LUZP2: variants seen among roughly 807,000 people sequenced by gnomAD.
LUZP2 encodes the protein leucine zipper protein 2.
A neutral mutation model predicts 51.6 loss-of-function variants in LUZP2; 52 were observed. The ratio of observed to expected loss-of-function variants is 1.01; its 90% CI spans 0.81 to 1.27. LUZP2 has a LOEUF of 1.27. Among genes scored for constraint, LUZP2 ranks in the 50% most tolerant of loss-of-function variants. The probability of loss-of-function intolerance (pLI) is 0.00; values close to 1 mark genes in which losing one functional copy is unlikely to be tolerated. For synonymous variants in LUZP2, 154 were observed against 137.3 expected (o/e 1.12, Z -0.85); for missense variants, 436 against 395.4 (o/e 1.10, Z -0.87).
chr11:24,890,199 A>T lies in LUZP2; in HGVS notation c.397-15792A>T, dbSNP rs766470. Among the ~76,000 whole-genome samples, 3 of 152,102 alleles carry T rather than the reference A, an allele frequency of 2.0e-5. No homozygotes were observed. The East Asian group carries it at 5.8e-4, about 29-fold the overall frequency. On this transcript the variant is annotated intron_variant, in intron 5 of 11. Transcript: ENST00000336930. Reference sequence around the variant, plus strand: ...ATATATTATAAAAATGTAACCAAGCATATACTCAGGGAGAAAAGATACAGA... The same window carrying T: ...ATATATTATAAAAATGTAACCAAGCTTATACTCAGGGAGAAAAGATACAGA...
intron 1 of LUZP2, among the ~76,000 whole-genome samples, chr11:24,634,092 A>G (rs1854991934): frequency 6.6e-6 from 1 of 152,014 alleles, no homozygotes; most frequent in South Asian, 2.1e-4. Context: ...ACTTACTAGA[A>G]GTATGATCTT....
At chr11:24,535,956 G>T (rs575975464) in intron 1 of LUZP2, among the ~76,000 whole-genome samples, 30 of 151,656 alleles carry the variant, frequency 2.0e-4, no homozygotes, top group Admixed American at 1.9e-3. Flanking sequence ...TGATCCCTGG[G>T]CTATAGGATG....
At chr11:24,511,625 C>T (rs1428984476) in intron 1 of LUZP2, among the ~76,000 whole-genome samples, 3 of 151,994 alleles carry the variant, frequency 2.0e-5, no homozygotes, top group African/African-American at 7.3e-5. Flanking sequence ...AATGGTTAAA[C>T]GTTGAACTTA....
At chr11:24,879,689 CAT>C (rs1013081123) in intron 5 of LUZP2, among the ~76,000 whole-genome samples, 5 of 151,934 alleles carry the variant, frequency 3.3e-5, no homozygotes, top group Non-Finnish European at 7.4e-5. Flanking sequence ...GCTTTTTTTC[CAT>C]ATGTTTGTTG....
intron 9 of LUZP2, among the ~76,000 whole-genome samples, chr11:24,999,488 A>G (rs1856612525): frequency 6.7e-6 from 1 of 149,886 alleles, no homozygotes; most frequent in South Asian, 2.1e-4. Context: ...GAAGAAGAAG[A>G]GAGAAAGAGA....
At chr11:24,827,884 G>C (rs1305234929) in intron 5 of LUZP2, among the ~76,000 whole-genome samples, 2 of 152,098 alleles carry the variant, frequency 1.3e-5, no homozygotes, top group Admixed American at 1.3e-4. Flanking sequence ...CACAACCAGA[G>C]AGGGATGGAA....
chr11:24,639,280 T>C (rs1230633198), intron 1 of LUZP2, among the ~76,000 whole-genome samples: 1 of 151,870 alleles, frequency 6.6e-6, no homozygotes, highest in Non-Finnish European at 1.5e-5. Context: ...TGATGGGTCA[T>C]AGTGATTTTC....
Position 24,740,565 on chromosome 11 carries a change from C to A in LUZP2, c.333+2263C>A, listed in dbSNP as rs193058082. 6.6e-4 allele frequency among the ~76,000 whole-genome samples: 101 copies of A among 152,228 alleles called. 1 individual carries two copies. Among genetic ancestry groups the A allele is most frequent in the African/African-American group, 2.4e-3 (98 of 41,558 alleles). ...ATTTAAATTTCTAGTAGGCCATGTACTAATTCTGTAAATTTACTAGCTCAT... is the reference window on the plus strand; with the variant it reads ...ATTTAAATTTCTAGTAGGCCATGTAATAATTCTGTAAATTTACTAGCTCAT... On this transcript the variant is annotated intron_variant, in intron 4 of 11. Coordinates refer to ENST00000336930, the MANE Select transcript of LUZP2 (RefSeq NM_001009909.4).
chr11:24,905,118 T>A (rs1261675105), intron 5 of LUZP2, among the ~76,000 whole-genome samples: 3 of 152,104 alleles, frequency 2.0e-5, no homozygotes, highest in African/African-American at 7.2e-5. Flanking sequence ...TATATGTATA[T>A]ATATAATAAC....
rs554057777 is a variant in LUZP2 at position 24,626,013 on chromosome 11, T to C, written c.63-103156T>C. Among the ~76,000 whole-genome samples the C allele has an allele frequency of 2.0e-5, 3 of 152,278 alleles. No homozygotes were observed. The East Asian group carries it at 5.8e-4, about 29-fold the overall frequency. On this transcript the variant is annotated intron_variant, in intron 1 of 11. Transcript: ENST00000336930. ...GATTTGTAATATAAGGGCTGCCACT[T>C]ACTAACTTTTTAACCTTAAATAATT...
chr11:25,037,751 ATT>A (rs907908714), intron 9 of LUZP2, among the ~76,000 whole-genome samples: 1 of 149,038 alleles, frequency 6.7e-6, no homozygotes, highest in Non-Finnish European at 1.5e-5. Context: ...TTCTTGTTGG[ATT>A]TTTTTTTTCT....
At chr11:24,757,301 G>T (rs1859811996) in intron 4 of LUZP2, among the ~76,000 whole-genome samples, 1 of 152,092 alleles carries the variant, frequency 6.6e-6, no homozygotes, top group Non-Finnish European at 1.5e-5. Context: ...AAAAATATTA[G>T]TAGCACATAT....
rs185630581 is a variant in LUZP2 at position 24,587,878 on chromosome 11, G to A, written c.62+90573G>A. On this transcript the variant is annotated intron_variant, in intron 1 of 11. Transcript: ENST00000336930. ...TTATACAGATGTGTCAGAGGGGGTA[G>A]GTTTCAAAATGTTCCATGGATGCTG... 5.1e-4 allele frequency among the ~76,000 whole-genome samples: 77 copies of A among 152,084 alleles called. No homozygotes were observed. The East Asian group carries it at 0.013, about 25-fold the overall frequency.
rs1164325918 is a variant in LUZP2, at chr11:25,063,016, A to G, written c.858+12886A>G. Reference sequence around the variant, plus strand: ...CATTTAGTTTTGTTTTAAATTTTGTATTTTTTTTCAGAGAAAAAAATACCC... The same window carrying G: ...CATTTAGTTTTGTTTTAAATTTTGTGTTTTTTTTCAGAGAAAAAAATACCC... On this transcript the variant is annotated intron_variant, in intron 10 of 11. Coordinates refer to ENST00000336930, the MANE Select transcript of LUZP2 (RefSeq NM_001009909.4). Among the ~76,000 whole-genome samples, 8 of 150,592 alleles carry G rather than the reference A, an allele frequency of 5.3e-5. No homozygotes were observed. In the East Asian group the frequency reaches 1.6e-3, roughly 29 times the overall value.
intron 1 of LUZP2, among the ~76,000 whole-genome samples, chr11:24,646,164 T>C (rs1855453300): frequency 6.6e-6 from 1 of 152,088 alleles, no homozygotes; most frequent in South Asian, 2.1e-4. Flanking sequence ...TGACTTCTCA[T>C]AAGAACTCAA....
intron 5 of LUZP2, among the ~76,000 whole-genome samples, chr11:24,878,411 C>T (rs1852346212): frequency 1.3e-5 from 2 of 152,026 alleles, no homozygotes; most frequent in African/African-American, 4.8e-5. Flanking sequence ...AATCTGCCAC[C>T]AGGTGTATTG....
At chr11:24,964,561 A>T (rs11028306) in intron 7 of LUZP2, among the ~76,000 whole-genome samples, 2,378 of 152,224 alleles carry the variant, frequency 0.016, 32 homozygotes, top group Non-Finnish European at 0.026. Context: ...ATATCTGCCT[A>T]AGTAAGGAAC....
At chr11:24,598,826 A>G (rs1194232711) in intron 1 of LUZP2, among the ~76,000 whole-genome samples, 2 of 152,160 alleles carry the variant, frequency 1.3e-5, no homozygotes, top group Admixed American at 1.3e-4. Context: ...GCTTCCAGAA[A>G]AACAATTCCA....
At chr11:24,745,357 A>G (rs1353760195) in intron 4 of LUZP2, among the ~76,000 whole-genome samples, 3 of 152,074 alleles carry the variant, frequency 2.0e-5, no homozygotes, top group African/African-American at 7.2e-5. Flanking sequence ...TGTTAGGTCT[A>G]TCGGTAATTA....
Sources: allele counts gnomAD v4.1 joint callset (sites outside exome capture counted in the v4.1 genomes callset), GRCh38; gene constraint gnomAD v4.1.1; transcripts MANE v1.5; gene names NCBI Gene and HGNC (gene_info 2026-07-23, HGNC 2026-07-21).